PDZD2: variants seen among roughly 807,000 people sequenced by gnomAD.
PDZD2 encodes PDZ domain-containing protein 2.
In PDZD2, 90 loss-of-function variants were observed where a neutral mutation model predicts 220.7. The ratio of observed to expected loss-of-function variants is 0.41; its 90% CI spans 0.34 to 0.49. The LOEUF (loss-of-function observed/expected upper bound fraction) is 0.49. PDZD2 is among the 20% of genes least tolerant of loss of function. The pLI is 0.28. For missense variants in PDZD2, 3,174 were observed against 3,608.5 expected (o/e 0.88, Z 3.08); for synonymous variants, 1,375 against 1,450.5 (o/e 0.95, Z 1.18).
chr5:31,646,904 C>CGCTGG lies in PDZD2; in HGVS notation c.-361+7467_-361+7468insGCTGG, dbSNP rs1401542131. Among the ~76,000 whole-genome samples the CGCTGG allele has an allele frequency of 8.3e-4, 126 of 152,216 alleles. No individual in the cohort carries two copies. Among genetic ancestry groups the CGCTGG allele is most frequent in the African/African-American group, 2.9e-3 (120 of 41,528 alleles). On this transcript the variant is annotated intron_variant, in intron 1 of 24. Transcript: ENST00000438447. The surrounding 1 kb of genome is among the most constrained non-coding windows in gnomAD (Gnocchi z 4.7). The stretch of plus-strand genomic sequence containing the variant: ...CGAGTGTCCCCATCAGCGTGGATTC[C>CGCTGG]CAAGAGAGAGCAGGCAGTGAGATGG...
chr5:31,844,475 C>T (rs1423563143), intron 2 of PDZD2, among the ~76,000 whole-genome samples: 1 of 152,114 alleles, frequency 6.6e-6, no homozygotes. Context: ...TTACGTATTA[C>T]TGAGTATAGA....
chr5:31,752,087 T>TTTTTTTTTTTTTTTTTTTG (rs1554070611), intron 1 of PDZD2, among the ~76,000 whole-genome samples: 1 of 139,268 alleles, frequency 7.2e-6, no homozygotes, highest in Non-Finnish European at 1.6e-5. Flanking sequence ...TTTTTTTTTT[T>TTTTTTTTTTTTTTTTTTTG]TTTCTGAGAC....
chr5:31,959,094 G>A (rs569515909), intron 2 of PDZD2, among the ~76,000 whole-genome samples: 18 of 151,188 alleles, frequency 1.2e-4, no homozygotes, highest in Non-Finnish European at 2.4e-4. Flanking sequence ...CACCATGCCC[G>A]GCTAATTTTT....
chr5:31,926,889 A>G (rs1744830099), intron 2 of PDZD2, among the ~76,000 whole-genome samples: 1 of 152,262 alleles, frequency 6.6e-6, no homozygotes, highest in African/African-American at 2.4e-5. Flanking sequence ...CGACACAGTC[A>G]TAAAAAAAAT....
At chr5:32,038,963 A>C (rs1274994059) in intron 7 of PDZD2, among the ~76,000 whole-genome samples, 1 of 152,236 alleles carries the variant, frequency 6.6e-6, no homozygotes, top group Admixed American at 6.5e-5. Context: ...GTTAACGTTC[A>C]AAAAACATTC....
intron 2 of PDZD2, among the ~76,000 whole-genome samples, chr5:31,842,410 C>T (rs994419133): frequency 2.6e-5 from 4 of 152,182 alleles, no homozygotes; most frequent in Non-Finnish European, 5.9e-5. Context: ...CCTGGCTCCA[C>T]GGCTCTGTTC....
intron 2 of PDZD2, among the ~76,000 whole-genome samples, chr5:31,978,347 G>C (rs770873518): frequency 6.6e-6 from 1 of 152,152 alleles, no homozygotes; most frequent in Non-Finnish European, 1.5e-5. Flanking sequence ...TAGTCAGAAG[G>C]GGTTGGAAAA....
At position 31,694,623 on chromosome 5, in the gene PDZD2, G is replaced by A. The variant is rs185510340; in HGVS notation, c.-361+55186G>A. 4.3e-3 allele frequency among the ~76,000 whole-genome samples: 657 copies of A among 152,258 alleles called. 3 individuals carry two copies. Among genetic ancestry groups the A allele is most frequent in the Non-Finnish European group, 7.7e-3 (527 of 68,020 alleles). Reference sequence around the variant, plus strand: ...CACCTGTGAGGAAGGAGGCCTTGGAGAGGAAATGGGACTGGGCACTCCAGG... The same window carrying A: ...CACCTGTGAGGAAGGAGGCCTTGGAAAGGAAATGGGACTGGGCACTCCAGG... On this transcript the variant is annotated intron_variant, in intron 1 of 24. Transcript: ENST00000438447.
chr5:31,649,044 TTTTG>T (rs373561536), intron 1 of PDZD2, among the ~76,000 whole-genome samples: 7 of 152,178 alleles, frequency 4.6e-5, no homozygotes, highest in African/African-American at 1.7e-4. Context: ...AGAGGGGTTT[TTTTG>T]TTTGTTTTTT....
At chr5:31,917,105 G>C (rs1044931933) in intron 2 of PDZD2, among the ~76,000 whole-genome samples, 1 of 152,188 alleles carries the variant, frequency 6.6e-6, no homozygotes, top group African/African-American at 2.4e-5. Flanking sequence ...AACAGGGTGA[G>C]CCAGTTGAAG....
intron 2 of PDZD2, among the ~76,000 whole-genome samples, chr5:31,943,602 C>CTTAA (rs1746392908): frequency 6.6e-6 from 1 of 152,146 alleles, no homozygotes; most frequent in Admixed American, 6.5e-5. Context: ...ATCCAAAGGA[C>CTTAA]GTATTAAACA....
At chr5:31,651,526 C>T (rs1360841826) in intron 1 of PDZD2, among the ~76,000 whole-genome samples, 1 of 152,172 alleles carries the variant, frequency 6.6e-6, no homozygotes, top group Non-Finnish European at 1.5e-5. Context: ...ATGTCACCAC[C>T]CACCACAGTT....
chr5:31,853,750 G>A (rs546170729), intron 2 of PDZD2, among the ~76,000 whole-genome samples: 1 of 152,306 alleles, frequency 6.6e-6, no homozygotes, highest in East Asian at 1.9e-4. Flanking sequence ...CCCACAACCA[G>A]AGCTTAGAGC....
At chr5:31,975,852 G>A (rs978186836) in intron 2 of PDZD2, among the ~76,000 whole-genome samples, 2 of 134,180 alleles carry the variant, frequency 1.5e-5, no homozygotes, top group African/African-American at 5.6e-5. Context: ...AACCAAGGGT[G>A]GAGTGAGGTG....
At chr5:31,883,406 A>C (rs1740129416) in intron 2 of PDZD2, among the ~76,000 whole-genome samples, 1 of 150,824 alleles carries the variant, frequency 6.6e-6, no homozygotes, top group Admixed American at 6.6e-5. Context: ...TTTTTAGTAG[A>C]GATGGGGTTT....
intron 2 of PDZD2, among the ~76,000 whole-genome samples, chr5:31,830,141 A>G (rs1190021554): frequency 6.9e-6 from 1 of 144,588 alleles, no homozygotes; most frequent in Non-Finnish European, 1.5e-5. Flanking sequence ...CCTCCAAACC[A>G]CTCCCTTAAT....
intron 1 of PDZD2, among the ~76,000 whole-genome samples, chr5:31,739,470 T>A (rs1287916291): frequency 6.6e-6 from 1 of 152,108 alleles, no homozygotes; most frequent in Admixed American, 6.5e-5. Flanking sequence ...AAAATGTCAG[T>A]CTTTGAAGAA....
intron 1 of PDZD2, among the ~76,000 whole-genome samples, chr5:31,656,484 C>A (rs1458000518): frequency 6.6e-6 from 1 of 152,160 alleles, no homozygotes; most frequent in African/African-American, 2.4e-5. Context: ...GTGTCCCCAG[C>A]AGCAGTCAGT....
intron 1 of PDZD2, among the ~76,000 whole-genome samples, chr5:31,784,480 G>A (rs543170727): frequency 2.0e-5 from 3 of 152,264 alleles, no homozygotes; most frequent in South Asian, 4.2e-4. Flanking sequence ...GACTGAAATC[G>A]GATTGTGCTT....
Sources: allele counts gnomAD v4.1 joint callset (sites outside exome capture counted in the v4.1 genomes callset), GRCh38; gene constraint gnomAD v4.1.1; non-coding constraint Gnocchi (gnomAD v3.1); transcripts MANE v1.5; gene names NCBI Gene and HGNC (gene_info 2026-07-23, HGNC 2026-07-21).